GMPR2: variants seen among roughly 807,000 people sequenced by gnomAD.
The protein encoded by GMPR2 is GMP reductase 2.
GMPR2 carries 32 observed loss-of-function variants against 38.5 expected under a neutral mutation model. That is an observed-to-expected ratio of 0.83 (90% confidence interval 0.63 to 1.12). The LOEUF (loss-of-function observed/expected upper bound fraction) is 1.12. GMPR2 is among the 50% of genes most tolerant of loss of function. GMPR2 has a pLI of 0.00. For synonymous variants in GMPR2, 154 were observed against 151.0 expected (o/e 1.02, Z -0.15); for missense variants, 396 against 432.1 (o/e 0.92, Z 0.74).
Position 24,233,464 on chromosome 14 carries a change from T to C in GMPR2, c.88-15T>C, listed in dbSNP as rs1422692561. The C allele has an allele frequency of 3.1e-6, 5 of 1,611,998 alleles. No homozygotes were observed. The highest frequency in any genetic ancestry group is 2.7e-5 in the African/African-American group (2 of 74,810). On this transcript the variant is annotated splice_polypyrimidine_tract_variant and intron_variant, in intron 2 of 9. Coordinates refer to ENST00000399440, the MANE Select transcript of GMPR2 (RefSeq NM_001002002.3). ...TGGATTAATGAAATGGTCAATTTCC[T>C]GTTCATATCTGCAGGTGGATCTCAC...
chr14:24,238,631 T>C lies in GMPR2; in HGVS notation c.900T>C (p.Asp300=), dbSNP rs1210900406. ...GKTVEVPFKG[D]VEHTIRDILG... is the part of the protein sequence containing the mutation. ...CAGTGGAAGTTCCTTTTAAAGGAGA[T>C]GTGGAACATACCATCCGAGACATCC... Residue 300 remains aspartate, a synonymous_variant, in exon 10 of 10, where the codon GAT becomes GAC. Transcript: ENST00000399440. The C allele has an allele frequency of 3.7e-6, 6 of 1,614,006 alleles. No homozygotes were observed. In the Admixed American group the frequency reaches 6.7e-5, roughly 18 times the overall value.
At chr14:24,238,467 G>C (rs758640577) in intron 9 of GMPR2, 62 bp downstream of exon 9, 13 of 1,613,976 alleles carry the variant, frequency 8.1e-6, no homozygotes, top group African/African-American at 1.3e-5. Flanking sequence ...GCTGCTGAGA[G>C]GGGGATGGTA....
Position 24,233,306 on chromosome 14 carries a change from G to A in GMPR2, c.53G>A (p.Arg18Lys). 6.2e-7 allele frequency: 1 copy of A among 1,614,088 alleles called. No individual in the cohort carries two copies. Residue 18 changes from arginine (R) to lysine (K), a missense_variant, in exon 2 of 10, where the codon AGG (arginine) becomes AAG (lysine). Physicochemically the swap from Arg to Lys is conservative, Grantham distance 26. Coordinates refer to ENST00000399440, the MANE Select transcript of GMPR2 (RefSeq NM_001002002.3). Reference protein sequence around the residue: ...VKLDFKDVLLRPKRSTLKSRS... With the variant: ...VKLDFKDVLLKPKRSTLKSRS... ...CTGGACTTCAAGGATGTCCTTTTGA[G>A]GCCCAAACGCAGTACCCTTAAGTCT...
chr14:24,236,972 G>T (rs1392744832), intron 5 of GMPR2, 99 bp from the exon 6 acceptor site: 4 of 925,738 alleles, frequency 4.3e-6, no homozygotes, highest in Non-Finnish European at 5.2e-6. Context: ...TCCTTTCTTT[G>T]TAATAATGTT....
chr14:24,238,719 A>G lies in GMPR2; in HGVS notation c.988A>G (p.Arg330Gly), dbSNP rs1281895487. The G allele has an allele frequency of 1.2e-6, 2 of 1,614,028 alleles. No individual in the cohort carries two copies. The highest frequency in any genetic ancestry group is 8.5e-7 in the Non-Finnish European group (1 of 1,179,938). The change falls in exon 10 of 10, where the codon AGA becomes GGA. Residue 330 changes from arginine (R) to glycine (G), a missense_variant. Transcript: ENST00000399440. ...GAAKLKELSRRTTFIRVTQQV... is the reference protein window; with the variant it reads ...GAAKLKELSRGTTFIRVTQQV... ...AGCTAAGCTCAAAGAGTTGAGCAGGAGAACTACCTTCATCCGAGTCACCCA... is the reference window on the plus strand; with the variant it reads ...AGCTAAGCTCAAAGAGTTGAGCAGGGGAACTACCTTCATCCGAGTCACCCA...
Position 24,237,251 on chromosome 14 carries a change from T to TAGA in GMPR2, c.554_555insAGA (p.Val185_Cys186insGlu), listed in dbSNP as rs775690873. ...CTTATCATGTTCTTCCTAGGCTCTG[T>TAGA]GTGTACTACTCGGAAGAAAACTGGA... On this transcript the variant is annotated inframe_insertion, in exon 7 of 10. Coordinates refer to ENST00000399440, the MANE Select transcript of GMPR2 (RefSeq NM_001002002.3). 6.2e-7 allele frequency: 1 copy of TAGA among 1,602,792 alleles called. No homozygotes were observed. Among genetic ancestry groups the TAGA allele is most frequent in the Non-Finnish European group, 8.5e-7 (1 of 1,169,718 alleles).
Position 24,238,455 on chromosome 14 carries a change from T to C in GMPR2, c.857+50T>C, listed in dbSNP as rs373436639. On this transcript the variant is annotated intron_variant, in intron 9 of 9. Coordinates refer to ENST00000399440, the MANE Select transcript of GMPR2 (RefSeq NM_001002002.3). Reference sequence around the variant, plus strand: ...AGTAATAGTATGGAGGCAGAACTCATGGCTGCTGAGAGGGGGATGGTACAG... The same window carrying C: ...AGTAATAGTATGGAGGCAGAACTCACGGCTGCTGAGAGGGGGATGGTACAG... The C allele has an allele frequency of 1.8e-5, 29 of 1,613,886 alleles. No homozygotes were observed. In the Admixed American group the frequency reaches 4.7e-4, roughly 26 times the overall value.
chr14:24,236,939 G>C, intron 5 of GMPR2, 132 bp from the exon 6 acceptor site: 3 of 711,832 alleles, frequency 4.2e-6, no homozygotes, highest in South Asian at 3.5e-5. Flanking sequence ...CCCTCAGAGG[G>C]CCCAGTAGAG....
chr14:24,235,507 C>T (rs896756117), intron 3 of GMPR2: 12 of 557,722 alleles, frequency 2.2e-5, no homozygotes, highest in Non-Finnish European at 3.5e-5. Flanking sequence ...ACCCAGATCA[C>T]TCAGTACTTT....
At chr14:24,233,440 G>T in intron 2 of GMPR2, 39 bp from the exon 3 acceptor site, 4 of 1,607,156 alleles carry the variant, frequency 2.5e-6, no homozygotes, top group Non-Finnish European at 3.4e-6. Flanking sequence ...TACGTTTTTT[G>T]GATTAATGAA....
Position 24,235,720 on chromosome 14 carries a change from CTTT to C in GMPR2, c.208-16_208-14del, listed in dbSNP as rs1468231379. The C allele has an allele frequency of 5.1e-6, 8 of 1,572,256 alleles. No homozygotes were observed. The highest frequency in any genetic ancestry group is 7.0e-6 in the Non-Finnish European group (8 of 1,142,046). ...TAAAGTTTTCTCCCTTTTGATGCTT[CTTT>C]GTCTTCTCCCCAGTTCTCTCTCTTC... On this transcript the variant is annotated splice_polypyrimidine_tract_variant and intron_variant, in intron 3 of 9. Coordinates refer to ENST00000399440, the MANE Select transcript of GMPR2 (RefSeq NM_001002002.3).
chr14:24,237,928 A>C, intron 8 of GMPR2: 1 of 471,362 alleles, frequency 2.1e-6, no homozygotes, highest in Non-Finnish European at 3.8e-6. Flanking sequence ...GGGACACATG[A>C]AATGAGTCTT....
Position 24,232,992 on chromosome 14 carries a change from G to T in GMPR2, c.-36+15G>T, listed in dbSNP as rs759204655. 2 of 592,118 alleles carry T rather than the reference G, an allele frequency of 3.4e-6. No homozygotes were observed. The highest frequency in any genetic ancestry group is 6.0e-6 in the Non-Finnish European group (2 of 331,588). The allele number at this position is 592,118 out of a possible 1,614,324, so 36.7% of individuals were successfully genotyped here. ...AGTGTAGCGGGGTAAGGAATGCACC[G>T]TCAGGGTCTCTCACAACCCTTTCCC... On this transcript the variant is annotated intron_variant, in intron 1 of 9. Transcript: ENST00000399440.
chr14:24,233,299 C>T lies in GMPR2; in HGVS notation c.46C>T (p.Leu16Phe). The T allele has an allele frequency of 6.2e-7, 1 of 1,614,118 alleles. No individual in the cohort carries two copies. The highest frequency in any genetic ancestry group is 1.3e-5 in the African/African-American group (1 of 75,030). Reference protein sequence around the residue: ...NDVKLDFKDVLLRPKRSTLKS... With the variant: ...NDVKLDFKDVFLRPKRSTLKS... ...TGTGAAACTGGACTTCAAGGATGTC[C>T]TTTTGAGGCCCAAACGCAGTACCCT... is the stretch of plus-strand genomic sequence containing the variant. Residue 16 changes from leucine to phenylalanine, a missense_variant, in exon 2 of 10, where the codon CTT becomes TTT. Physicochemically the swap from Leu to Phe is conservative, Grantham distance 22. Transcript: ENST00000399440.
intron 3 of GMPR2, 50 bp from the exon 4 acceptor site, chr14:24,235,687 G>C (rs541365543): frequency 8.3e-7 from 1 of 1,211,976 alleles, no homozygotes; most frequent in South Asian, 1.2e-5. Context: ...CTAGAAAAGA[G>C]ACCTTAATAA....
rs747828333 is a variant in GMPR2 at position 24,238,714 on chromosome 14, G to A, written c.983G>A (p.Ser328Asn). ...YVGAAKLKEL[S>N]RRTTFIRVTQ... ...GGAGCAGCTAAGCTCAAAGAGTTGA[G>A]CAGGAGAACTACCTTCATCCGAGTC... is the stretch of plus-strand genomic sequence containing the variant. The change falls in exon 10 of 10, where the codon AGC becomes AAC. Residue 328 changes from serine (S) to asparagine (N), a missense_variant. Physicochemically the swap from Ser to Asn is conservative, Grantham distance 46 (BLOSUM62 1). Transcript: ENST00000399440. The A allele has an allele frequency of 6.2e-7, 1 of 1,613,980 alleles. No homozygotes were observed. Among genetic ancestry groups the A allele is most frequent in the South Asian group, 1.1e-5 (1 of 91,064 alleles).
In GMPR2 at chr14:24,237,542, G is replaced by C. The variant is rs779433118; in HGVS notation, c.677G>C (p.Gly226Ala). Reference sequence around the variant, plus strand: ...CAGGATGGAGGTTGCAGCTGTCCTGGGGATGTGGCCAAGGCTTTTGGTAAG... The same window carrying C: ...CAGGATGGAGGTTGCAGCTGTCCTGCGGATGTGGCCAAGGCTTTTGGTAAG... ...IISDGGCSCPGDVAKAFGAGA... is the reference protein window; with the variant it reads ...IISDGGCSCPADVAKAFGAGA... The change falls in exon 8 of 10, where the codon GGG becomes GCG. Residue 226 changes from glycine to alanine, a missense_variant. Coordinates refer to ENST00000399440, the MANE Select transcript of GMPR2 (RefSeq NM_001002002.3). 6.2e-7 allele frequency: 1 copy of C among 1,613,888 alleles called. No homozygotes were observed. Among genetic ancestry groups the C allele is most frequent in the Non-Finnish European group, 8.5e-7 (1 of 1,179,948 alleles).
chr14:24,236,946 A>C, intron 5 of GMPR2, 125 bp from the exon 6 acceptor site: 3 of 758,968 alleles, frequency 4.0e-6, no homozygotes, highest in Non-Finnish European at 4.4e-6. Flanking sequence ...AGGGCCCAGT[A>C]GAGGGGACCT....
At position 24,238,376 on chromosome 14, in the gene GMPR2, G is replaced by C; in HGVS notation, c.828G>C (p.Lys276Asn). 2 of 1,614,114 alleles carry C rather than the reference G, an allele frequency of 1.2e-6. No homozygotes were observed. The highest frequency in any genetic ancestry group is 1.7e-6 in the Non-Finnish European group (2 of 1,180,018). Reference sequence around the variant, plus strand: ...GAATGAGTTCTGAAATGGCCATGAAGAAGTATGCTGGGGGCGTGGCTGAGT... The same window carrying C: ...GAATGAGTTCTGAAATGGCCATGAACAAGTATGCTGGGGGCGTGGCTGAGT... ...FYGMSSEMAM[K>N]KYAGGVAEYR... The change falls in exon 9 of 10, where the codon AAG (lysine) becomes AAC (asparagine). Residue 276 changes from lysine (K) to asparagine (N), a missense_variant. Physicochemically the swap from Lys to Asn is moderately conservative, Grantham distance 94 (BLOSUM62 0). Coordinates refer to ENST00000399440, the MANE Select transcript of GMPR2 (RefSeq NM_001002002.3).
Sources: gnomAD v4.1 joint callset for allele counts on GRCh38, gnomAD v4.1.1 for gene constraint, MANE v1.5 for transcripts, NCBI Gene and HGNC (gene_info 2026-07-23, HGNC 2026-07-21) for gene names.